Variants in MYO1E observed in about 807,000 individuals in gnomAD.
MYO1E encodes the protein unconventional myosin-Ie.
A neutral mutation model predicts 151.1 loss-of-function variants in MYO1E; 68 were observed. That is an observed-to-expected ratio of 0.45 (90% CI 0.37 to 0.55). The LOEUF (loss-of-function observed/expected upper bound fraction) is 0.55. MYO1E is among the 20% of genes least tolerant of loss of function. MYO1E has a pLI of 0.00. For missense variants in MYO1E, 1,363 were observed against 1,389.3 expected (o/e 0.98, Z 0.30); for synonymous variants, 601 against 501.7 (o/e 1.20, Z -2.64).
At chr15:59,307,370 C>G (rs1007578686) in intron 1 of MYO1E, among the ~76,000 whole-genome samples, 1 of 152,146 alleles carries the variant, frequency 6.6e-6, no homozygotes, top group Non-Finnish European at 1.5e-5. Context: ...AAGGAGAACA[C>G]GCAGGAGCTT....
chr15:59,237,599 T>C (rs188405900), intron 4 of MYO1E, among the ~76,000 whole-genome samples: 2 of 152,328 alleles, frequency 1.3e-5, no homozygotes, highest in African/African-American at 4.8e-5. Flanking sequence ...GGAGTTAGTA[T>C]GAAAAATGCA....
chr15:59,273,521 G>T (rs1332459888), intron 1 of MYO1E, among the ~76,000 whole-genome samples: 2 of 152,210 alleles, frequency 1.3e-5, no homozygotes, highest in Non-Finnish European at 2.9e-5. Flanking sequence ...GGGTGTTCCA[G>T]GAGTGGAGGT....
chr15:59,218,576 T>G (rs1483196848), intron 9 of MYO1E, among the ~76,000 whole-genome samples: 1 of 152,234 alleles, frequency 6.6e-6, no homozygotes, highest in Non-Finnish European at 1.5e-5. Context: ...CCCATGTTTA[T>G]TGAGTATTTA....
At chr15:59,298,816 G>C (rs1447343088) in intron 1 of MYO1E, among the ~76,000 whole-genome samples, 1 of 152,188 alleles carries the variant, frequency 6.6e-6, no homozygotes, top group Admixed American at 6.5e-5. Flanking sequence ...TCACAAAGAG[G>C]AAAGTTCTTC....
chr15:59,214,422 G>A (rs2079900884), intron 11 of MYO1E, 108 bp from the exon 12 acceptor site: 2 of 922,276 alleles, frequency 2.2e-6, no homozygotes, highest in Non-Finnish European at 3.5e-6. Context: ...TAATAGAAAT[G>A]TTGGATGCAT....
At chr15:59,228,409 G>A (rs1457574264) in intron 6 of MYO1E, among the ~76,000 whole-genome samples, 9 of 152,224 alleles carry the variant, frequency 5.9e-5, no homozygotes, top group Admixed American at 5.2e-4. Flanking sequence ...GGTGGAGGAT[G>A]CAGTGAGCCG....
intron 16 of MYO1E, among the ~76,000 whole-genome samples, chr15:59,201,013 T>TA (rs1555410519): frequency 2.0e-5 from 3 of 152,214 alleles, no homozygotes; most frequent in East Asian, 1.9e-4. Flanking sequence ...GGTATAATTT[T>TA]TAAAAAAATT....
intron 2 of MYO1E, among the ~76,000 whole-genome samples, chr15:59,269,436 G>T (rs371283994): frequency 6.6e-6 from 1 of 152,174 alleles, no homozygotes; most frequent in East Asian, 1.9e-4. Context: ...ATGTGCTGTG[G>T]GTGCTGCACG....
intron 10 of MYO1E, among the ~76,000 whole-genome samples, chr15:59,216,104 G>A (rs1378263299): frequency 1.3e-5 from 2 of 152,140 alleles, no homozygotes; most frequent in East Asian, 3.8e-4. Flanking sequence ...CATACCTTAA[G>A]CCGTATAAAT....
rs1009738034 is a variant in MYO1E at position 59,136,784 on chromosome 15, G to A, written c.*596C>T. On this transcript the variant is annotated 3_prime_UTR_variant, in exon 28 of 28. Transcript: ENST00000288235. ...CCAGCCCCCAGCCCCTGACCTGCTT[G>A]GCGGCCCTGATGGTCCCGGCAAAGT... 5 of 455,056 alleles carry A rather than the reference G, an allele frequency of 1.1e-5. No individual in the cohort carries two copies. The highest frequency in any genetic ancestry group is 4.1e-5 in the African/African-American group (2 of 49,026). The allele number at this position is 455,056 out of a possible 1,614,324, so 28.2% of individuals were successfully genotyped here. A position where few individuals can be genotyped will look rare whatever the true frequency, so the allele number is the denominator to read the frequency against.
intron 26 of MYO1E, 29 bp downstream of exon 26, chr15:59,153,561 G>T: frequency 6.2e-7 from 1 of 1,607,926 alleles, no homozygotes; most frequent in African/African-American, 1.3e-5. Flanking sequence ...GAGCTTGCCG[G>T]CTTCATCCAG....
chr15:59,144,067 CTG>C (rs1470614221), intron 26 of MYO1E, among the ~76,000 whole-genome samples: 2 of 152,166 alleles, frequency 1.3e-5, no homozygotes, highest in Non-Finnish European at 2.9e-5. Context: ...GGGCTTGAGT[CTG>C]TGTGCTGGGT....
rs771020473 is a variant in MYO1E at position 59,210,528 on chromosome 15, T to C, written c.1348A>G (p.Ile450Val). The C allele has an allele frequency of 6.3e-7, 1 of 1,594,990 alleles. No homozygotes were observed. Among genetic ancestry groups the C allele is most frequent in the Non-Finnish European group, 8.6e-7 (1 of 1,162,544 alleles). Residue 450 changes from isoleucine (I) to valine (V), a missense_variant, in exon 13 of 28, where the codon ATA (isoleucine) becomes GTA (valine). Transcript: ENST00000288235. ...YFNNKIVCDL[I>V]ENKVNPPGIM... is the part of the protein sequence containing the mutation. ...TGAACACTTACCACTTTGTTCTCTA[T>C]GAGGTCACATACGATTTTATTATTA... is the stretch of plus-strand genomic sequence containing the variant.
intron 1 of MYO1E, among the ~76,000 whole-genome samples, chr15:59,275,497 A>G (rs2080313201): frequency 6.6e-6 from 1 of 152,014 alleles, no homozygotes; most frequent in Admixed American, 6.6e-5. Flanking sequence ...AACCTTCACA[A>G]CCATCCCCCC....
chr15:59,253,642 C>T (rs11631635), intron 4 of MYO1E, among the ~76,000 whole-genome samples: 72,149 of 151,722 alleles, frequency 0.48, 19,341 homozygotes, highest in Non-Finnish European at 0.62. Context: ...CCGCCATGCC[C>T]GGCTAATTTT....
intron 1 of MYO1E, among the ~76,000 whole-genome samples, chr15:59,307,022 A>G (rs2080518642): frequency 6.6e-6 from 1 of 152,228 alleles, no homozygotes; most frequent in African/African-American, 2.4e-5. Context: ...AGACTTGAGA[A>G]CGGGATGCAA....
At chr15:59,352,210 G>A (rs1337402932) in intron 1 of MYO1E, among the ~76,000 whole-genome samples, 3 of 152,140 alleles carry the variant, frequency 2.0e-5, no homozygotes, top group Admixed American at 6.5e-5. Flanking sequence ...TGGAAGAATC[G>A]CTCTTTAATT....
intron 18 of MYO1E, among the ~76,000 whole-genome samples, chr15:59,186,213 T>G (rs1291042628): frequency 6.6e-6 from 1 of 152,174 alleles, no homozygotes; most frequent in Non-Finnish European, 1.5e-5. Flanking sequence ...AACTCAAATG[T>G]GGGGGACTGA....
At chr15:59,189,407 TCTTTCC>T (rs764106532) in intron 17 of MYO1E, among the ~76,000 whole-genome samples, 8 of 152,272 alleles carry the variant, frequency 5.3e-5, no homozygotes, top group East Asian at 1.9e-4. Context: ...TTTCTTTCTT[TCTTTCC>T]CTTTCCCTTT....
Sources: gnomAD v4.1 joint callset for allele counts (sites outside exome capture counted in the v4.1 genomes callset) on GRCh38, gnomAD v4.1.1 for gene constraint, MANE v1.5 for transcripts, NCBI Gene and HGNC (gene_info 2026-07-23, HGNC 2026-07-21) for gene names.